The following CSNK1G1 variants were observed in gnomAD, a reference collection of about 807,000 sequenced individuals.
CSNK1G1 encodes the protein casein kinase 1 gamma 1, also known as casein kinase I isoform gamma-1.
In CSNK1G1, 22 loss-of-function variants were observed where a neutral mutation model predicts 59.6. That is an observed-to-expected ratio of 0.37 (90% CI 0.26 to 0.53). The LOEUF is 0.53. Among genes scored for constraint, CSNK1G1 ranks in the 20% least tolerant of loss-of-function variants. The pLI is 0.89. For synonymous variants in CSNK1G1, 179 were observed against 177.1 expected (o/e 1.01, Z -0.08); for missense variants, 384 against 519.5 (o/e 0.74, Z 2.54).
chr15:64,281,272 C>T (rs1566932241), intron 2 of CSNK1G1, among the ~76,000 whole-genome samples: 1 of 152,052 alleles, frequency 6.6e-6, no homozygotes, highest in Non-Finnish European at 1.5e-5. Context: ...TGTATGATTC[C>T]ACTTTTATCA....
intron 1 of CSNK1G1, among the ~76,000 whole-genome samples, chr15:64,315,463 G>A (rs540843256): frequency 1.3e-5 from 2 of 152,262 alleles, no homozygotes; most frequent in African/African-American, 4.8e-5. Context: ...TTTACAAAAA[G>A]CATTTACATT....
intron 1 of CSNK1G1, among the ~76,000 whole-genome samples, chr15:64,324,959 T>C (rs1896768086): frequency 6.6e-6 from 1 of 152,192 alleles, no homozygotes; most frequent in African/African-American, 2.4e-5. Flanking sequence ...CCTACTAAAT[T>C]AGCTTGTATT....
intron 2 of CSNK1G1, among the ~76,000 whole-genome samples, chr15:64,277,052 G>T (rs1049155928): frequency 3.3e-5 from 5 of 152,014 alleles, no homozygotes; most frequent in African/African-American, 1.2e-4. Flanking sequence ...ACCATGCAAC[G>T]TCAGTGACTT....
chr15:64,237,460 A>G (rs902515969), intron 4 of CSNK1G1, among the ~76,000 whole-genome samples: 4 of 152,168 alleles, frequency 2.6e-5, no homozygotes, highest in African/African-American at 9.7e-5. Context: ...ATGAAGATCA[A>G]AAGGTTTCTT....
chr15:64,214,263 T>G lies in CSNK1G1; in HGVS notation c.445-139A>C. 1.5e-6 allele frequency: 1 copy of G among 653,578 alleles called. No individual in the cohort carries two copies. Among genetic ancestry groups the G allele is most frequent in the South Asian group, 1.9e-5 (1 of 53,148 alleles). 40.5% of individuals were successfully genotyped at this position (653,578 alleles called of 1,614,324 possible). ...ATCTCCTTTCACCGCCCTGAGTCAC[T>G]TCACTGACTTGTAAACAAAAAAATA... is the stretch of plus-strand genomic sequence containing the variant. On this transcript the variant is annotated intron_variant, in intron 5 of 11. Transcript: ENST00000303052. This position sits in a 1 kb window ranked among gnomAD's most constrained non-coding sequence, Gnocchi z 4.3.
intron 1 of CSNK1G1, among the ~76,000 whole-genome samples, chr15:64,310,717 G>A (rs1342181293): frequency 2.6e-5 from 4 of 151,736 alleles, no homozygotes; most frequent in African/African-American, 9.7e-5. Context: ...TCAAAAAAAA[G>A]GAAAAGAGGC....
chr15:64,346,419 A>G (rs1279378731), intron 1 of CSNK1G1, among the ~76,000 whole-genome samples: 1 of 137,556 alleles, frequency 7.3e-6, no homozygotes, highest in African/African-American at 2.7e-5. Context: ...TTTGGAAACG[A>G]GTTTTTATTT....
Position 64,172,005 on chromosome 15 carries a change from G to C in CSNK1G1, c.1215-20C>G, listed in dbSNP as rs780680794. On this transcript the variant is annotated intron_variant, in intron 11 of 11. Coordinates refer to ENST00000303052, the MANE Select transcript of CSNK1G1 (RefSeq NM_022048.5). ...CAGCACCTGGAGCACAAGGAACATTGCAAGTCAGTGCGGGAGGCCTGCAGC... is the reference window on the plus strand; with the variant it reads ...CAGCACCTGGAGCACAAGGAACATTCCAAGTCAGTGCGGGAGGCCTGCAGC... 9.9e-6 allele frequency: 16 copies of C among 1,611,158 alleles called. No individual in the cohort carries two copies. Among genetic ancestry groups the C allele is most frequent in the Middle Eastern group, 1.7e-4 (1 of 6,036 alleles).
rs528749239 is a variant in CSNK1G1 at position 64,197,555 on chromosome 15, T to C, written c.1107+5527A>G. On this transcript the variant is annotated intron_variant, in intron 10 of 11. Coordinates refer to ENST00000303052, the MANE Select transcript of CSNK1G1 (RefSeq NM_022048.5). ...CCTTCTCCCTTAATCCTGACATTCA[T>C]GTGGGCTGCCAATTCTGGTAGATTA... 2.0e-5 allele frequency among the ~76,000 whole-genome samples: 3 copies of C among 152,350 alleles called. No individual in the cohort carries two copies. In the South Asian group the frequency reaches 6.2e-4, roughly 32 times the overall value.
intron 6 of CSNK1G1, among the ~76,000 whole-genome samples, chr15:64,207,827 A>G (rs2082202874): frequency 6.6e-6 from 1 of 152,182 alleles, no homozygotes; most frequent in South Asian, 2.1e-4. Flanking sequence ...GCAAATTCTG[A>G]ATTAAAACCA....
In CSNK1G1 at chr15:64,166,129, C is replaced by A. The variant is rs553310203; in HGVS notation, c.*5802G>T. The A allele has an allele frequency of 7.1e-5, 40 of 562,420 alleles. No individual in the cohort carries two copies. The highest frequency in any genetic ancestry group is 6.2e-4 in the African/African-American group (32 of 51,600). 34.8% of individuals were successfully genotyped at this position (562,420 alleles called of 1,614,324 possible). On this transcript the variant is annotated 3_prime_UTR_variant, in exon 12 of 12. Coordinates refer to ENST00000303052, the MANE Select transcript of CSNK1G1 (RefSeq NM_022048.5). The surrounding 1 kb of genome is among the most constrained non-coding windows in gnomAD (Gnocchi z 4.5). ...AGAGGCATTTAACAATAATCAGACA[C>A]ATCCACACATTAAAACTGATTTCCA...
chr15:64,215,208 T>C (rs1248423381), intron 5 of CSNK1G1, among the ~76,000 whole-genome samples: 2 of 99,654 alleles, frequency 2.0e-5, no homozygotes, highest in East Asian at 2.4e-4. Context: ...TACTAACTTT[T>C]TTTTTTTTTT....
chr15:64,298,801 C>A (rs903904422), intron 2 of CSNK1G1, among the ~76,000 whole-genome samples: 1 of 150,516 alleles, frequency 6.6e-6, no homozygotes, highest in East Asian at 2.0e-4. Context: ...GAGGCCGAGG[C>A]GGGTGGATCA....
chr15:64,197,556 G>C (rs768833819), intron 10 of CSNK1G1, among the ~76,000 whole-genome samples: 29 of 152,220 alleles, frequency 1.9e-4, no homozygotes, highest in Admixed American at 5.2e-4. Flanking sequence ...TGACATTCAT[G>C]TGGGCTGCCA....
intron 4 of CSNK1G1, among the ~76,000 whole-genome samples, chr15:64,238,243 T>C (rs1420309130): frequency 6.6e-6 from 1 of 151,810 alleles, no homozygotes; most frequent in Non-Finnish European, 1.5e-5. Flanking sequence ...AGGAATCTGC[T>C]GGGTTTATAG....
intron 10 of CSNK1G1, among the ~76,000 whole-genome samples, chr15:64,193,376 C>T (rs1446909662): frequency 6.6e-6 from 1 of 151,634 alleles, no homozygotes; most frequent in Non-Finnish European, 1.5e-5. Context: ...ACCTGTAGTC[C>T]CAGCTACTCG....
At chr15:64,319,255 T>TATC (rs1896433830) in intron 1 of CSNK1G1, among the ~76,000 whole-genome samples, 2 of 152,132 alleles carry the variant, frequency 1.3e-5, no homozygotes, top group African/African-American at 4.8e-5. Flanking sequence ...TAAAACCTGG[T>TATC]ATCATCCAGA....
chr15:64,193,783 CTA>C (rs946693237), intron 10 of CSNK1G1, among the ~76,000 whole-genome samples: 7 of 152,116 alleles, frequency 4.6e-5, no homozygotes, highest in Non-Finnish European at 4.4e-5. Context: ...CTGCAATTCT[CTA>C]TTCAAACTCT....
intron 1 of CSNK1G1, among the ~76,000 whole-genome samples, chr15:64,332,524 T>A (rs1379956308): frequency 5.9e-5 from 4 of 67,566 alleles, no homozygotes; most frequent in African/African-American, 5.7e-5. Context: ...GGGACTGTGA[T>A]GGGGTGGGGG....
Sources: gnomAD v4.1 joint callset for allele counts (sites outside exome capture counted in the v4.1 genomes callset) on GRCh38, gnomAD v4.1.1 for gene constraint, Gnocchi (gnomAD v3.1) non-coding constraint, MANE v1.5 for transcripts, NCBI Gene and HGNC (gene_info 2026-07-23, HGNC 2026-07-21) for gene names.